The following USP25 variants were observed in gnomAD, a reference collection of about 807,000 sequenced individuals.
The protein encoded by USP25 is ubiquitin carboxyl-terminal hydrolase 25.
Under a neutral mutation model 158.5 loss-of-function variants are expected in USP25, and 85 were observed. That is an observed-to-expected ratio of 0.54 (90% CI 0.45 to 0.64). USP25 has a LOEUF of 0.64. USP25 is among the 30% of genes least tolerant of loss of function. USP25 has a pLI of 0.00. For synonymous variants in USP25, 464 were observed against 460.4 expected (o/e 1.01, Z -0.10); for missense variants, 1,242 against 1,327.3 (o/e 0.94, Z 1.00).
At chr21:15,805,067 A>T in intron 6 of USP25, 54 bp from the exon 7 acceptor site, 1 of 1,502,658 alleles carries the variant, frequency 6.7e-7, no homozygotes, top group East Asian at 2.4e-5. Flanking sequence ...ATTAGTAAAA[A>T]TTTTCTTAAT....
chr21:15,788,128 C>G (rs966488982), intron 4 of USP25, among the ~76,000 whole-genome samples: 2 of 151,610 alleles, frequency 1.3e-5, no homozygotes, highest in African/African-American at 4.8e-5. Context: ...TGCGAGTTTA[C>G]CCTTCAAACA....
intron 4 of USP25, among the ~76,000 whole-genome samples, chr21:15,788,168 C>CT (rs922061898): frequency 2.4e-4 from 36 of 147,882 alleles, no homozygotes; most frequent in East Asian, 5.9e-4. Context: ...TGAAATTTGC[C>CT]TTTTTTTTTT....
chr21:15,865,992 A>G (rs561956685), intron 21 of USP25, among the ~76,000 whole-genome samples: 22 of 152,174 alleles, frequency 1.4e-4, no homozygotes, highest in African/African-American at 4.8e-4. Flanking sequence ...TTTTTTTCCT[A>G]TGCAAACTGT....
intron 1 of USP25, among the ~76,000 whole-genome samples, chr21:15,745,559 C>T (rs2032477652): frequency 6.7e-6 from 1 of 149,500 alleles, no homozygotes; most frequent in Non-Finnish European, 1.5e-5. Flanking sequence ...ACTGCAGCCT[C>T]CGCCTCCCTG....
intron 15 of USP25, 75 bp from the exon 16 acceptor site, chr21:15,831,326 T>C: frequency 7.2e-7 from 1 of 1,380,506 alleles, no homozygotes; most frequent in Non-Finnish European, 1.0e-6. Context: ...AAACAGGTTG[T>C]TTGTGGGTTT....
In USP25 at chr21:15,826,009, G is replaced by C. The variant is rs764856655; in HGVS notation, c.1305-195G>C. Among the ~76,000 whole-genome samples the C allele has an allele frequency of 3.7e-4, 56 of 152,114 alleles. No homozygotes were observed. The highest frequency in any genetic ancestry group is 6.3e-4 in the Non-Finnish European group (43 of 67,978). On this transcript the variant is annotated intron_variant, in intron 12 of 25. Transcript: ENST00000400183. This position sits in a 1 kb window ranked among gnomAD's most constrained non-coding sequence, Gnocchi z 4.8. Reference sequence around the variant, plus strand: ...CTCACATTCAGTCCCAATCGGCCTTGGTTTCCTGTCTTTGGGGAACTTTTA... The same window carrying C: ...CTCACATTCAGTCCCAATCGGCCTTCGTTTCCTGTCTTTGGGGAACTTTTA...
chr21:15,878,112 C>T, intron 25 of USP25, 121 bp downstream of exon 25: 4 of 1,022,006 alleles, frequency 3.9e-6, no homozygotes, highest in Non-Finnish European at 5.5e-6. Flanking sequence ...AATATTTTCA[C>T]ATTCACATGA....
At chr21:15,819,898 C>T (rs2037144249) in intron 10 of USP25, among the ~76,000 whole-genome samples, 2 of 151,780 alleles carry the variant, frequency 1.3e-5, no homozygotes, top group African/African-American at 4.8e-5. Context: ...TATGCTTTTC[C>T]TGTTAAGAGG....
intron 14 of USP25, among the ~76,000 whole-genome samples, chr21:15,827,730 G>A (rs879939607): frequency 2.6e-4 from 39 of 151,092 alleles, no homozygotes; most frequent in Admixed American, 2.6e-3. Context: ...TAAGGACAGT[G>A]CTCTGGGTGG....
At chr21:15,753,207 A>G (rs776618416) in intron 1 of USP25, among the ~76,000 whole-genome samples, 1 of 152,174 alleles carries the variant, frequency 6.6e-6, no homozygotes, top group Non-Finnish European at 1.5e-5. Context: ...GTCACGTGTT[A>G]TGGTAATGAA....
chr21:15,862,459 A>G (rs1449775216), intron 20 of USP25, among the ~76,000 whole-genome samples: 5 of 152,092 alleles, frequency 3.3e-5, no homozygotes, highest in African/African-American at 4.8e-5. Flanking sequence ...GCCTGTGACA[A>G]TCATTATCGA....
chr21:15,773,595 A>G (rs2034478994), intron 3 of USP25, among the ~76,000 whole-genome samples: 1 of 152,212 alleles, frequency 6.6e-6, no homozygotes, highest in African/African-American at 2.4e-5. Context: ...TAAAAACCAA[A>G]GAAAACCATT....
At chr21:15,809,243 G>A (rs1240407285) in intron 8 of USP25, among the ~76,000 whole-genome samples, 1 of 152,140 alleles carries the variant, frequency 6.6e-6, no homozygotes, top group African/African-American at 2.4e-5. Context: ...GTGCATGTGA[G>A]CAAGTGGCTC....
intron 4 of USP25, among the ~76,000 whole-genome samples, chr21:15,787,900 T>TCCCCCCCCCCCCC (rs1318568088): frequency 1.4e-5 from 1 of 69,840 alleles, no homozygotes; most frequent in Non-Finnish European, 2.9e-5. Flanking sequence ...TAACACCCCC[T>TCCCCCCCCCCCCC]CACCCCCCCC....
chr21:15,765,258 A>G (rs1229932171), intron 2 of USP25, among the ~76,000 whole-genome samples: 1 of 152,060 alleles, frequency 6.6e-6, no homozygotes, highest in Non-Finnish European at 1.5e-5. Context: ...ACTTGCTGTC[A>G]GTTGTGCAGA....
In USP25 at chr21:15,791,644, T is replaced by C. The variant is rs754126150; in HGVS notation, c.535T>C (p.Trp179Arg). 4 of 1,610,424 alleles carry C rather than the reference T, an allele frequency of 2.5e-6. No individual in the cohort carries two copies. Reference protein sequence around the residue: ...VGLKNVGNTCWFSAVIQSLFN... With the variant: ...VGLKNVGNTCRFSAVIQSLFN... ...GCTAAAGAATGTTGGCAATACTTGT[T>C]GGTTTAGTGCTGTTATTCAGGTAAG... The change falls in exon 5 of 26, where the codon TGG (tryptophan) becomes CGG (arginine). Residue 179 changes from tryptophan (W) to arginine (R), a missense_variant. By Grantham distance (101) the Trp-to-Arg change is moderately radical (BLOSUM62 -3). Around this residue, in one of 3 missense-constraint regions of USP25, gnomAD observed 627 missense variants for 701.4 expected, o/e 0.89. Coordinates refer to ENST00000400183, the MANE Select transcript of USP25 (RefSeq NM_001283041.3).
chr21:15,800,028 T>G (rs953898266), intron 6 of USP25, among the ~76,000 whole-genome samples, 185 bp downstream of exon 6: 4 of 151,262 alleles, frequency 2.6e-5, no homozygotes, highest in African/African-American at 9.7e-5. Flanking sequence ...ACGACTTTTT[T>G]CCTTTACCTG....
At chr21:15,841,665 T>G (rs2038340440) in intron 17 of USP25, among the ~76,000 whole-genome samples, 1 of 152,162 alleles carries the variant, frequency 6.6e-6, no homozygotes, top group Non-Finnish European at 1.5e-5. Context: ...ATTGTCAAAA[T>G]TTATATATAT....
intron 4 of USP25, among the ~76,000 whole-genome samples, chr21:15,790,973 T>C (rs994321328): frequency 2.6e-5 from 4 of 151,906 alleles, no homozygotes; most frequent in African/African-American, 9.7e-5. Context: ...GGTTTTCTTT[T>C]CCTTTACTTG....
Sources: gnomAD v4.1 joint callset for allele counts (sites outside exome capture counted in the v4.1 genomes callset) on GRCh38, gnomAD v4.1.1 for gene constraint, gnomAD v4.1.1 regional missense constraint, Gnocchi (gnomAD v3.1) non-coding constraint, MANE v1.5 for transcripts, NCBI Gene and HGNC (gene_info 2026-07-23, HGNC 2026-07-21) for gene names.